The following PDE9A variants were observed in gnomAD, a reference collection of about 807,000 sequenced individuals.
PDE9A encodes the protein phosphodiesterase 9A, also known as high affinity cGMP-specific 3',5'-cyclic phosphodiesterase 9A.
Under a neutral mutation model 87.4 loss-of-function variants are expected in PDE9A, and 60 were observed. That is an observed-to-expected ratio of 0.69 (90% CI 0.56 to 0.85). PDE9A has a LOEUF of 0.85. Ranked by LOEUF, PDE9A falls within the 40% of genes least tolerant of loss-of-function variation. The pLI is 0.00. For synonymous variants in PDE9A, 272 were observed against 279.4 expected, an observed-to-expected ratio of 0.97 and a Z score of 0.27; for missense variants, 665 against 779.0, an observed-to-expected ratio of 0.85 and a Z score of 1.74.
intron 10 of PDE9A, 56 bp downstream of exon 10, chr21:42,754,120 G>A (rs1261079980): frequency 9.6e-6 from 10 of 1,041,596 alleles, no homozygotes; most frequent in Non-Finnish European, 1.5e-5. Flanking sequence ...CAGGATCTTG[G>A]ACGCCAGTGG....
chr21:42,663,252 C>T (rs2057725176), intron 1 of PDE9A, among the ~76,000 whole-genome samples: 1 of 151,396 alleles, frequency 6.6e-6, no homozygotes, highest in African/African-American at 2.4e-5. Context: ...CATGCACACA[C>T]ACCACACACA....
intron 1 of PDE9A, among the ~76,000 whole-genome samples, chr21:42,656,032 C>T (rs536704966): frequency 1.3e-5 from 2 of 152,366 alleles, no homozygotes; most frequent in African/African-American, 2.4e-5. Flanking sequence ...TGGGTTGCAC[C>T]GGGCTCAGCT....
rs376094029 is a variant in PDE9A, at chr21:42,705,942, C to A, written c.262+6931C>A. 1.2e-4 allele frequency among the ~76,000 whole-genome samples: 19 copies of A among 152,344 alleles called. No individual in the cohort carries two copies. In the South Asian group the frequency reaches 1.9e-3, roughly 15 times the overall value. ...GAGGGTGACTCGGAGGCTTCCAGTT[C>A]CCAGCAGCTTTATTGGCGTTGCTGT... On this transcript the variant is annotated intron_variant, in intron 4 of 19. Transcript: ENST00000291539. This position sits in a 1 kb window ranked among gnomAD's most constrained non-coding sequence, Gnocchi z 4.3.
In PDE9A at chr21:42,695,090, C is replaced by A. The variant is rs1160304073; in HGVS notation, c.219-3878C>A. On this transcript the variant is annotated intron_variant, in intron 3 of 19. Transcript: ENST00000291539. This position sits in a 1 kb window ranked among gnomAD's most constrained non-coding sequence, Gnocchi z 4.3. ...CGTTTGGTGCAATCTGGAGCACGCT[C>A]AAGCCGGCATTTGAAATAACCTGGA... Among the ~76,000 whole-genome samples, 1 of 152,220 alleles carries A rather than the reference C, an allele frequency of 6.6e-6. No homozygotes were observed. The highest frequency in any genetic ancestry group is 1.5e-5 in the Non-Finnish European group (1 of 68,038).
chr21:42,698,341 G>T (rs1332767485), intron 3 of PDE9A, among the ~76,000 whole-genome samples: 1 of 152,162 alleles, frequency 6.6e-6, no homozygotes, highest in African/African-American at 2.4e-5. Flanking sequence ...TACTCCTCTT[G>T]GCCACTGACT....
intron 4 of PDE9A, among the ~76,000 whole-genome samples, chr21:42,713,153 T>C (rs2049499212): frequency 1.3e-5 from 2 of 152,148 alleles, no homozygotes; most frequent in Admixed American, 1.3e-4. Flanking sequence ...TGTTTTTGTT[T>C]TGAGACAGTG....
At position 42,694,129 on chromosome 21, in the gene PDE9A, CTCTT is replaced by C. The variant is rs951074621; in HGVS notation, c.219-4837_219-4834del. Among the ~76,000 whole-genome samples the C allele has an allele frequency of 1.3e-5, 2 of 152,208 alleles. No homozygotes were observed. Among genetic ancestry groups the C allele is most frequent in the African/African-American group, 4.8e-5 (2 of 41,448 alleles). ...CCCTTGCTGAAACATGCTGGGTAAA[CTCTT>C]TGTTTCTTCCTAGCAGACAGCAGCC... On this transcript the variant is annotated intron_variant, in intron 3 of 19. Transcript: ENST00000291539. This position sits in a 1 kb window ranked among gnomAD's most constrained non-coding sequence, Gnocchi z 5.3.
intron 1 of PDE9A, among the ~76,000 whole-genome samples, chr21:42,658,633 C>T (rs911289905): frequency 5.9e-5 from 9 of 152,196 alleles, no homozygotes; most frequent in African/African-American, 1.9e-4. Context: ...TGCAGGGCTG[C>T]GTCCCCCGGC....
At chr21:42,769,644 G>GCACACACACAT (rs1569280234) in intron 17 of PDE9A, among the ~76,000 whole-genome samples, 11 of 38,328 alleles carry the variant, frequency 2.9e-4, no homozygotes, top group South Asian at 1.6e-3. Context: ...GCACACACAG[G>GCACACACACAT]GACACACAGG....
At position 42,773,833 on chromosome 21, in the gene PDE9A, A is replaced by G. The variant is rs188347896; in HGVS notation, c.1768+1313A>G. Reference sequence around the variant, plus strand: ...AAAAATAAATAAATAAGCCGGGCGCAGTGGCTCATGCCTGTAGTCCCAGCA... The same window carrying G: ...AAAAATAAATAAATAAGCCGGGCGCGGTGGCTCATGCCTGTAGTCCCAGCA... On this transcript the variant is annotated intron_variant, in intron 19 of 19. Transcript: ENST00000291539. Among the ~76,000 whole-genome samples the G allele has an allele frequency of 1.4e-3, 202 of 148,922 alleles. 1 individual carries two copies. The highest frequency in any genetic ancestry group is 3.0e-3 in the East Asian group (15 of 5,000).
intron 7 of PDE9A, chr21:42,741,174 G>T (rs10451852): frequency 6.6e-6 from 1 of 152,026 alleles, no homozygotes; most frequent in African/African-American, 2.4e-5. Flanking sequence ...ATTTGCTCAC[G>T]TCAGTGTCCA....
chr21:42,753,873 AAAAAAG>A (rs1372963166), intron 9 of PDE9A, 111 bp from the exon 10 acceptor site: 407 of 605,454 alleles, frequency 6.7e-4, no homozygotes, highest in South Asian at 3.7e-3. Flanking sequence ...AAAAAAAAAA[AAAAAAG>A]AAAGAAAGAA....
intron 4 of PDE9A, among the ~76,000 whole-genome samples, chr21:42,711,314 G>A (rs2049322552): frequency 6.8e-6 from 1 of 148,028 alleles, no homozygotes; most frequent in Non-Finnish European, 1.5e-5. Flanking sequence ...GTGCAGCTGT[G>A]CGATAAGCTC....
In PDE9A at chr21:42,769,142, A is replaced by C. The variant is rs764036457; in HGVS notation, c.1577A>C (p.Glu526Ala). 3.2e-5 allele frequency: 52 copies of C among 1,613,646 alleles called. No homozygotes were observed. Among genetic ancestry groups the C allele is most frequent in the Non-Finnish European group, 4.3e-5 (51 of 1,179,680 alleles). Residue 526 changes from glutamate to alanine, a missense_variant, in exon 17 of 20, where the codon GAA becomes GCA. Glu to Ala is a moderately radical substitution (Grantham distance 107, BLOSUM62 -1). Transcript: ENST00000291539. The part of the protein sequence containing the change: ...FIKFVLIPMF[E>A]TVTKLFPMVE... ...AAGTTTGTCCTGATCCCAATGTTTG[A>C]AACAGTGACCAAGGTGAGTAACTGT...
intron 1 of PDE9A, among the ~76,000 whole-genome samples, chr21:42,661,328 C>A (rs916256879): frequency 3.5e-5 from 5 of 142,206 alleles, no homozygotes; most frequent in African/African-American, 1.3e-4. Flanking sequence ...CACGCCCAGC[C>A]TTTTTTTTTT....
At chr21:42,727,387 G>A (rs1195543269) in intron 4 of PDE9A, among the ~76,000 whole-genome samples, 1 of 151,766 alleles carries the variant, frequency 6.6e-6, no homozygotes, top group Non-Finnish European at 1.5e-5. Flanking sequence ...GCAGTGGCAT[G>A]ATCGTGGCTC....
Position 42,722,417 on chromosome 21 carries a change from A to G in PDE9A, c.263-9353A>G, listed in dbSNP as rs2050628513. ...CATTGCATCATATTAATAGCATGCAAATCTAAGCCCAGTGATGCCGTGCAA... is the reference window on the plus strand; with the variant it reads ...CATTGCATCATATTAATAGCATGCAGATCTAAGCCCAGTGATGCCGTGCAA... On this transcript the variant is annotated intron_variant, in intron 4 of 19. Transcript: ENST00000291539. The surrounding 1 kb of genome is among the most constrained non-coding windows in gnomAD (Gnocchi z 4.1). 6.6e-6 allele frequency among the ~76,000 whole-genome samples: 1 copy of G among 152,214 alleles called. No homozygotes were observed. The highest frequency in any genetic ancestry group is 1.5e-5 in the Non-Finnish European group (1 of 68,046).
intron 3 of PDE9A, among the ~76,000 whole-genome samples, chr21:42,691,319 A>G (rs1203098704): frequency 2.0e-5 from 3 of 147,904 alleles, no homozygotes; most frequent in African/African-American, 7.6e-5. Context: ...TCCTGTCACT[A>G]TCACCATCCA....
chr21:42,739,294 C>A lies in PDE9A; in HGVS notation c.569-4482C>A, dbSNP rs535946953. Among the ~76,000 whole-genome samples the A allele has an allele frequency of 9.5e-4, 144 of 152,348 alleles. No homozygotes were observed. Among genetic ancestry groups the A allele is most frequent in the Non-Finnish European group, 1.1e-3 (73 of 68,034 alleles). On this transcript the variant is annotated intron_variant, in intron 7 of 19. Coordinates refer to ENST00000291539, the MANE Select transcript of PDE9A (RefSeq NM_002606.3). This position sits in a 1 kb window ranked among gnomAD's most constrained non-coding sequence, Gnocchi z 4.1. ...CAGACCTCTCAGGCTTGAGGCCCCC[C>A]GCCCCACAGGACTGGCCCGCTCCTC...
Sources: gnomAD v4.1 joint callset for allele counts (sites outside exome capture counted in the v4.1 genomes callset) on GRCh38, gnomAD v4.1.1 for gene constraint, Gnocchi (gnomAD v3.1) non-coding constraint, MANE v1.5 for transcripts, NCBI Gene and HGNC (gene_info 2026-07-23, HGNC 2026-07-21) for gene names.